MTMR12: variants seen among roughly 807,000 people sequenced by gnomAD.
MTMR12 encodes the protein myotubularin related protein 12.
A neutral mutation model predicts 96.7 loss-of-function variants in MTMR12; 33 were observed. The observed-to-expected ratio is 0.34, with a 90% CI of 0.26 to 0.46. MTMR12 has a LOEUF of 0.46. Ranked by LOEUF, MTMR12 falls within the 20% of genes least tolerant of loss-of-function variation. The pLI is 1.00. For synonymous variants in MTMR12, 298 were observed against 327.2 expected, an observed-to-expected ratio of 0.91 and a Z score of 0.96; for missense variants, 721 against 896.1, an observed-to-expected ratio of 0.80 and a Z score of 2.49.
At chr5:32,301,763 C>T (rs553932379) in intron 1 of MTMR12, among the ~76,000 whole-genome samples, 1 of 152,022 alleles carries the variant, frequency 6.6e-6, no homozygotes, top group Non-Finnish European at 1.5e-5. Context: ...TGGTGGCACA[C>T]CCCTGTAACC....
chr5:32,270,970 G>A lies in MTMR12; in HGVS notation c.359-23C>T, dbSNP rs371890743. The A allele has an allele frequency of 1.2e-4, 191 of 1,596,100 alleles. 1 individual carries two copies. The highest frequency in any genetic ancestry group is 1.6e-4 in the Non-Finnish European group (183 of 1,172,306). ...ACACTACAGATCAGCAATGAAATCAGGAAGGGAAATTATGTTACACAGCAA... is the reference window on the plus strand; with the variant it reads ...ACACTACAGATCAGCAATGAAATCAAGAAGGGAAATTATGTTACACAGCAA... On this transcript the variant is annotated intron_variant, in intron 4 of 15. Transcript: ENST00000382142.
At chr5:32,256,190 CCAGA>C (rs750893323) in intron 7 of MTMR12, among the ~76,000 whole-genome samples, 3 of 152,084 alleles carry the variant, frequency 2.0e-5, no homozygotes, top group Admixed American at 6.6e-5. Context: ...GGTTTGCTGC[CCAGA>C]CATTTTATCA....
intron 12 of MTMR12, among the ~76,000 whole-genome samples, chr5:32,240,398 CAAA>C (rs72026064): frequency 1.4e-4 from 14 of 100,030 alleles, no homozygotes; most frequent in Admixed American, 2.1e-4. Flanking sequence ...GACTCCGTCT[CAAA>C]AAAAAAAAAA....
intron 13 of MTMR12, among the ~76,000 whole-genome samples, chr5:32,238,196 GT>G (rs1748315543): frequency 1.4e-5 from 2 of 142,740 alleles, no homozygotes; most frequent in African/African-American, 5.2e-5. Flanking sequence ...AAATCATTCA[GT>G]TCCAAAATCT....
At chr5:32,290,547 T>C (rs1750702091) in intron 1 of MTMR12, among the ~76,000 whole-genome samples, 1 of 152,250 alleles carries the variant, frequency 6.6e-6, no homozygotes, top group Non-Finnish European at 1.5e-5. Context: ...AGTGGGCCTA[T>C]TTGGATTTTG....
chr5:32,232,382 G>A (rs972992317), intron 15 of MTMR12, among the ~76,000 whole-genome samples: 1 of 152,194 alleles, frequency 6.6e-6, no homozygotes, highest in African/African-American at 2.4e-5. Context: ...CACCCCTTCA[G>A]CTCAGTCCTT....
chr5:32,282,684 A>G (rs550437604), intron 1 of MTMR12, among the ~76,000 whole-genome samples: 1 of 152,254 alleles, frequency 6.6e-6, no homozygotes, highest in South Asian at 2.1e-4. Context: ...CAGGGTATAC[A>G]AATAAGAATC....
intron 1 of MTMR12, among the ~76,000 whole-genome samples, chr5:32,279,186 T>C (rs1750185296): frequency 6.7e-6 from 1 of 149,116 alleles, no homozygotes; most frequent in African/African-American, 2.5e-5. Context: ...GTGGGAGGAC[T>C]GCTTGAGCCC....
chr5:32,241,981 A>G, intron 12 of MTMR12, 76 bp downstream of exon 12: 1 of 1,230,134 alleles, frequency 8.1e-7, no homozygotes, highest in Non-Finnish European at 1.2e-6. Flanking sequence ...TTCCAAATAC[A>G]TAAAGCTACA....
chr5:32,230,466 G>T, intron 15 of MTMR12, 119 bp from the exon 16 acceptor site: 2 of 966,150 alleles, frequency 2.1e-6, no homozygotes, highest in Non-Finnish European at 3.0e-6. Flanking sequence ...CATCAGTGTT[G>T]CCATGTGAAT....
chr5:32,289,975 C>A (rs1750681598), intron 1 of MTMR12, among the ~76,000 whole-genome samples: 1 of 152,224 alleles, frequency 6.6e-6, no homozygotes, highest in South Asian at 2.1e-4. Flanking sequence ...TTGGCCTGTG[C>A]AGAAGATGGA....
intron 1 of MTMR12, among the ~76,000 whole-genome samples, chr5:32,303,035 C>G (rs1751210059): frequency 1.3e-5 from 2 of 152,140 alleles, no homozygotes; most frequent in African/African-American, 4.8e-5. Context: ...GATTTATGCA[C>G]TCTTAAGATT....
intron 1 of MTMR12, among the ~76,000 whole-genome samples, chr5:32,296,801 TAA>T (rs150147919): frequency 2.1e-4 from 25 of 117,694 alleles, no homozygotes; most frequent in Admixed American, 2.6e-4. Context: ...ACATTCTCTT[TAA>T]AAAAAAAAAA....
At chr5:32,306,350 C>T (rs555442513) in intron 1 of MTMR12, among the ~76,000 whole-genome samples, 3 of 152,188 alleles carry the variant, frequency 2.0e-5, no homozygotes, top group Non-Finnish European at 2.9e-5. Flanking sequence ...ATGAGATATG[C>T]GTAGTTCCTG....
rs115322026 is a variant in MTMR12 at position 32,262,538 on chromosome 5, C to G, written c.713+575G>C. 4.7e-3 allele frequency among the ~76,000 whole-genome samples: 715 copies of G among 152,186 alleles called. 11 individuals are homozygous for G. Among genetic ancestry groups the G allele is most frequent in the African/African-American group, 0.017 (693 of 41,538 alleles). ...ATCACTTGAGCCGAGACGGAGGTTGCAGTGAGCCGAGATGGCACCACTGCA... is the reference window on the plus strand; with the variant it reads ...ATCACTTGAGCCGAGACGGAGGTTGGAGTGAGCCGAGATGGCACCACTGCA... On this transcript the variant is annotated intron_variant, in intron 7 of 15. Transcript: ENST00000382142.
chr5:32,311,655 C>G lies in MTMR12; in HGVS notation c.81+1103G>C, dbSNP rs115566198. Among the ~76,000 whole-genome samples, 288 of 152,328 alleles carry G rather than the reference C, an allele frequency of 1.9e-3. 1 individual carries two copies. Among genetic ancestry groups the G allele is most frequent in the African/African-American group, 6.8e-3 (284 of 41,578 alleles). Reference sequence around the variant, plus strand: ...TAGGCATTTGGATTAAGAACTATTGCTCAAGAAGCCCTGAGCAAGGCCTAC... The same window carrying G: ...TAGGCATTTGGATTAAGAACTATTGGTCAAGAAGCCCTGAGCAAGGCCTAC... On this transcript the variant is annotated intron_variant, in intron 1 of 15. Transcript: ENST00000382142.
chr5:32,247,788 C>T (rs1003575706), intron 10 of MTMR12: 43 of 985,244 alleles, frequency 4.4e-5, no homozygotes, highest in Non-Finnish European at 4.9e-5. Flanking sequence ...CGTGTGATCA[C>T]TGCCACAATA....
chr5:32,247,116 A>G (rs1475706173), intron 10 of MTMR12, among the ~76,000 whole-genome samples: 1 of 152,194 alleles, frequency 6.6e-6, no homozygotes, highest in African/African-American at 2.4e-5. Flanking sequence ...TTGCAAGGCC[A>G]AAGTGGGAGG....
chr5:32,298,298 G>C (rs543567360), intron 1 of MTMR12, among the ~76,000 whole-genome samples: 1 of 152,310 alleles, frequency 6.6e-6, no homozygotes, highest in African/African-American at 2.4e-5. Context: ...GCCCCACAAA[G>C]GGCACAGTGG....
Sources: gnomAD v4.1 joint callset for allele counts (sites outside exome capture counted in the v4.1 genomes callset) on GRCh38, gnomAD v4.1.1 for gene constraint, MANE v1.5 for transcripts, NCBI Gene and HGNC (gene_info 2026-07-23, HGNC 2026-07-21) for gene names.